The following ANKRD31 variants were observed in gnomAD, a reference collection of about 807,000 sequenced individuals.
The protein encoded by ANKRD31 is ankyrin repeat domain-containing protein 31.
Under a neutral mutation model 186.0 loss-of-function variants are expected in ANKRD31, and 147 were observed. That is an observed-to-expected ratio of 0.79 (90% confidence interval 0.69 to 0.91). The LOEUF (loss-of-function observed/expected upper bound fraction) is 0.91, where lower values mean the gene tolerates loss of function less well. Ranked by LOEUF, ANKRD31 falls within the 40% of genes least tolerant of loss-of-function variation. ANKRD31 has a pLI of 0.00. For synonymous variants in ANKRD31, 673 were observed against 736.4 expected (o/e 0.91, Z 1.39); for missense variants, 1,986 against 2,148.8 (o/e 0.92, Z 1.50).
At chr5:75,230,147 C>T (rs1757864943) in intron 2 of ANKRD31, among the ~76,000 whole-genome samples, 1 of 151,874 alleles carries the variant, frequency 6.6e-6, no homozygotes, top group African/African-American at 2.4e-5. Flanking sequence ...GCCTTGAGCC[C>T]TGAGCACGGG....
At chr5:75,208,705 C>T (rs374536524) in intron 4 of ANKRD31, among the ~76,000 whole-genome samples, 26 of 152,184 alleles carry the variant, frequency 1.7e-4, no homozygotes, top group African/African-American at 6.0e-4. Context: ...CCTAAGACAA[C>T]CTTTGTTCAG....
At chr5:75,231,167 T>C (rs1757930327) in intron 1 of ANKRD31, among the ~76,000 whole-genome samples, 1 of 152,124 alleles carries the variant, frequency 6.6e-6, no homozygotes, top group Non-Finnish European at 1.5e-5. Flanking sequence ...AACTCTGGGC[T>C]CAAGAGATCC....
At chr5:75,094,768 CA>C (rs1303085197) in intron 22 of ANKRD31, among the ~76,000 whole-genome samples, 1 of 151,816 alleles carries the variant, frequency 6.6e-6, no homozygotes, top group African/African-American at 2.4e-5. Flanking sequence ...AAATAAGACC[CA>C]ACTATATAAT....
intron 17 of ANKRD31, among the ~76,000 whole-genome samples, chr5:75,133,332 G>GA (rs1750042531): frequency 6.7e-6 from 1 of 149,420 alleles, no homozygotes; most frequent in Non-Finnish European, 1.5e-5. Context: ...CAAGCAAATG[G>GA]AAAACAAAAA....
intron 12 of ANKRD31, among the ~76,000 whole-genome samples, 199 bp downstream of exon 12, chr5:75,154,002 C>T (rs781625123): frequency 5.3e-5 from 8 of 151,968 alleles, no homozygotes; most frequent in Non-Finnish European, 1.0e-4. Context: ...AAAGTATTAC[C>T]TTTCTTTTTT....
Position 75,089,996 on chromosome 5 carries a change from G to A in ANKRD31, c.5472+1265C>T, listed in dbSNP as rs770315654. 5.3e-5 allele frequency among the ~76,000 whole-genome samples: 8 copies of A among 152,176 alleles called. No homozygotes were observed. In the East Asian group the frequency reaches 5.8e-4, roughly 11 times the overall value. On this transcript the variant is annotated intron_variant, in intron 23 of 25. Coordinates refer to ENST00000506364, the MANE Select transcript of ANKRD31 (RefSeq NM_001372053.1). ...AAATGGAGTCATTACCAGGCACACT[G>A]CAGCACAGGCATGTTGAGCTCAAAA... is the stretch of plus-strand genomic sequence containing the variant.
At chr5:75,079,329 A>T (rs1453573979) in intron 25 of ANKRD31, among the ~76,000 whole-genome samples, 1 of 152,252 alleles carries the variant, frequency 6.6e-6, no homozygotes, top group East Asian at 1.9e-4. Context: ...GAATGTGAAC[A>T]GATATCCTCT....
intron 10 of ANKRD31, among the ~76,000 whole-genome samples, chr5:75,169,750 G>T (rs1753183773): frequency 6.6e-6 from 1 of 152,132 alleles, no homozygotes; most frequent in Admixed American, 6.6e-5. Context: ...CGTCAAAAGA[G>T]ACTTTCACTA....
intron 22 of ANKRD31, among the ~76,000 whole-genome samples, chr5:75,092,913 T>A (rs1746032188): frequency 6.6e-6 from 1 of 151,682 alleles, no homozygotes; most frequent in Non-Finnish European, 1.5e-5. Context: ...AAAAGAAAAA[T>A]TTATTTAAAA....
chr5:75,223,572 G>A (rs1038333774), intron 2 of ANKRD31, among the ~76,000 whole-genome samples: 1 of 151,938 alleles, frequency 6.6e-6, no homozygotes, highest in Admixed American at 6.6e-5. Flanking sequence ...TTTGGTTTTT[G>A]AAAATCTGAA....
chr5:75,190,024 AG>A (rs1038446991), intron 9 of ANKRD31, among the ~76,000 whole-genome samples: 8 of 150,342 alleles, frequency 5.3e-5, no homozygotes, highest in Admixed American at 5.3e-4. Context: ...TTTTTGAGAC[AG>A]GGTCTTGCTC....
At chr5:75,206,086 A>G (rs1259608001) in intron 5 of ANKRD31, among the ~76,000 whole-genome samples, 1 of 150,884 alleles carries the variant, frequency 6.6e-6, no homozygotes, top group East Asian at 1.9e-4. Context: ...ATATTTATAA[A>G]CATATAGTAA....
chr5:75,150,843 A>C (rs1281414167), intron 12 of ANKRD31, among the ~76,000 whole-genome samples: 1 of 151,990 alleles, frequency 6.6e-6, no homozygotes, highest in African/African-American at 2.4e-5. Context: ...ACTGAATTTT[A>C]TTTGCAATTT....
chr5:75,171,851 G>GA lies in ANKRD31; in HGVS notation c.1565-2731dup, dbSNP rs59111987. Among the ~76,000 whole-genome samples, 297 of 134,032 alleles carry GA rather than the reference G, an allele frequency of 2.2e-3. 1 individual carries two copies. Among genetic ancestry groups the GA allele is most frequent in the African/African-American group, 3.4e-3 (124 of 36,650 alleles). 87.9% of individuals were successfully genotyped at this position (134,032 alleles called of 152,430 possible). A position where few individuals can be genotyped will look rare whatever the true frequency, so the allele number is the denominator to read the frequency against. ...CTAATTCTGTCAAACATTTAAGAAA[G>GA]AAAAAAAAAAAACTTAAATGTTAGA... On this transcript the variant is annotated intron_variant, in intron 10 of 25. Coordinates refer to ENST00000506364, the MANE Select transcript of ANKRD31 (RefSeq NM_001372053.1).
In ANKRD31 at chr5:75,169,025, T is replaced by C. The variant is rs1406098862; in HGVS notation, c.1661A>G (p.Tyr554Cys). Residue 554 changes from tyrosine (Y) to cysteine (C), a missense_variant, in exon 11 of 26, where the codon TAC (tyrosine) becomes TGC (cysteine). Tyr to Cys is a radical substitution (Grantham distance 194). Transcript: ENST00000506364. ...GGADVNIKGL[Y>C]QITPLHDAVM... is the part of the protein sequence containing the mutation. ...TGCATCATGTAGGGGAGTAATCTGG[T>C]ATAATCCTTTGATATTTACATCTGC... is the stretch of plus-strand genomic sequence containing the variant. 2 of 1,536,624 alleles carry C rather than the reference T, an allele frequency of 1.3e-6. No individual in the cohort carries two copies. Among genetic ancestry groups the C allele is most frequent in the African/African-American group, 1.4e-5 (1 of 73,142 alleles).
intron 23 of ANKRD31, among the ~76,000 whole-genome samples, 197 bp from the exon 24 acceptor site, chr5:75,084,571 T>C (rs959633354): frequency 2.6e-5 from 4 of 152,220 alleles, no homozygotes; most frequent in African/African-American, 9.6e-5. Context: ...GTGATGCTCA[T>C]TCATTTACTT....
intron 17 of ANKRD31, 104 bp downstream of exon 17, chr5:75,137,752 C>G (rs1305059014): frequency 1.8e-6 from 2 of 1,113,094 alleles, no homozygotes; most frequent in Admixed American, 3.7e-5. Flanking sequence ...AAAAAAATCA[C>G]TTGTTTTACT....
intron 17 of ANKRD31, 107 bp from the exon 18 acceptor site, chr5:75,118,404 T>C: frequency 8.9e-7 from 1 of 1,126,440 alleles, no homozygotes; most frequent in South Asian, 2.4e-5. Flanking sequence ...AAAAGAATGT[T>C]TTCAAACTCA....
At chr5:75,069,926 G>C (rs1038655535) in intron 25 of ANKRD31, among the ~76,000 whole-genome samples, 6 of 152,138 alleles carry the variant, frequency 3.9e-5, no homozygotes, top group African/African-American at 7.2e-5. Flanking sequence ...CTATTAGGAT[G>C]GCGCCAAAAT....
Sources: gnomAD v4.1 joint callset for allele counts (sites outside exome capture counted in the v4.1 genomes callset) on GRCh38, gnomAD v4.1.1 for gene constraint, MANE v1.5 for transcripts, NCBI Gene and HGNC (gene_info 2026-07-23, HGNC 2026-07-21) for gene names.